ANGEL2: variants seen among roughly 807,000 people sequenced by gnomAD.
The protein encoded by ANGEL2 is RNA 2',3'-cyclic phosphatase ANGEL2.
ANGEL2 carries 41 observed loss-of-function variants against 66.0 expected under a neutral mutation model. That is an observed-to-expected ratio of 0.62 (90% confidence interval 0.48 to 0.81). ANGEL2 has a LOEUF of 0.81. ANGEL2 is among the 30% of genes least tolerant of loss of function. The pLI, the probability that ANGEL2 is intolerant of heterozygous loss-of-function variation, is 0.00. For missense variants in ANGEL2, 561 were observed against 641.6 expected (o/e 0.87, Z 1.36); for synonymous variants, 208 against 226.5 (o/e 0.92, Z 0.73).
At chr1:213,012,686 GT>G (rs1360926599) in intron 2 of ANGEL2, among the ~76,000 whole-genome samples, 1 of 152,202 alleles carries the variant, frequency 6.6e-6, no homozygotes, top group Non-Finnish European at 1.5e-5. Flanking sequence ...CCATAAAAAT[GT>G]TAGCTTAAAA....
rs182842805 is a variant in ANGEL2 at position 213,008,602 on chromosome 1, T to C, written c.386-136A>G. 8.7e-5 allele frequency: 86 copies of C among 989,036 alleles called. No homozygotes were observed. The African/African-American group carries it at 1.3e-3, about 15-fold the overall frequency. The allele number at this position is 989,036 out of a possible 1,614,324, so 61.3% of individuals were successfully genotyped here. A position where few individuals can be genotyped will look rare whatever the true frequency, so the allele number is the denominator to read the frequency against. Reference sequence around the variant, plus strand: ...AATGTTTTTCCCTAGGAAGTGGCAATATAGCACTGAATAATTAGAACTGTT... The same window carrying C: ...AATGTTTTTCCCTAGGAAGTGGCAACATAGCACTGAATAATTAGAACTGTT... On this transcript the variant is annotated intron_variant, in intron 2 of 8. Transcript: ENST00000366962.
chr1:213,014,865 G>GT (rs2076598534), intron 1 of ANGEL2, among the ~76,000 whole-genome samples: 1 of 152,156 alleles, frequency 6.6e-6, no homozygotes, highest in Non-Finnish European at 1.5e-5. Flanking sequence ...GTGGTGGGTG[G>GT]TACACGAGTC....
At chr1:213,011,202 A>C in intron 2 of ANGEL2, 1 of 1,289,314 alleles carries the variant, frequency 7.8e-7, no homozygotes, top group Non-Finnish European at 1.0e-6. Flanking sequence ...ACAAAAGCTT[A>C]TATACCTTCC....
intron 5 of ANGEL2, among the ~76,000 whole-genome samples, chr1:213,002,730 C>T (rs1281403790): frequency 6.6e-6 from 1 of 152,014 alleles, no homozygotes; most frequent in Non-Finnish European, 1.5e-5. Flanking sequence ...CCAGCCTGGG[C>T]AACATGGTGA....
chr1:212,996,634 AAAAAAAATATATATATATAT>A (rs2076019979), intron 8 of ANGEL2, among the ~76,000 whole-genome samples: 2 of 49,228 alleles, frequency 4.1e-5, no homozygotes, highest in African/African-American at 8.6e-5. Flanking sequence ...AAAAAAAAAA[AAAAAAAATATATATATATAT>A]ATATATATAT....
intron 5 of ANGEL2, 63 bp from the exon 6 acceptor site, chr1:213,000,975 A>C: frequency 1.3e-6 from 2 of 1,500,656 alleles, no homozygotes; most frequent in Non-Finnish European, 1.8e-6. Context: ...GAGTTGAAAA[A>C]TTTATGTCTT....
intron 8 of ANGEL2, among the ~76,000 whole-genome samples, chr1:212,996,432 G>A (rs2148130117): frequency 6.6e-6 from 1 of 151,408 alleles, no homozygotes; most frequent in East Asian, 2.0e-4. Context: ...GACCAGCCTG[G>A]GCAACACGGT....
chr1:213,015,603 C>A lies in ANGEL2; in HGVS notation c.59+10G>T. 1 of 1,613,642 alleles carries A rather than the reference C, an allele frequency of 6.2e-7. No homozygotes were observed. The highest frequency in any genetic ancestry group is 8.5e-7 in the Non-Finnish European group (1 of 1,179,842). On this transcript the variant is annotated intron_variant, in intron 1 of 8. Transcript: ENST00000366962. The stretch of plus-strand genomic sequence containing the variant: ...CTCTCTCCTCCCTCCGAGTACCCAG[C>A]CCTACTGACCGGCCTCTTCCCACCA...
chr1:213,007,634 G>T (rs977410099), intron 3 of ANGEL2, among the ~76,000 whole-genome samples: 2 of 152,068 alleles, frequency 1.3e-5, no homozygotes, highest in Non-Finnish European at 2.9e-5. Context: ...GCCAGTTTCT[G>T]TCTCAAAACT....
chr1:212,998,973 A>T (rs2076104989), intron 7 of ANGEL2, among the ~76,000 whole-genome samples: 1 of 151,978 alleles, frequency 6.6e-6, no homozygotes, highest in South Asian at 2.1e-4. Context: ...TCTGCCCCCC[A>T]GGGTTCAAGC....
rs541265228 is a variant in ANGEL2 at position 213,011,163 on chromosome 1, T to C, written c.385+1930A>G. 93 of 1,284,324 alleles carry C rather than the reference T, an allele frequency of 7.2e-5. 1 individual carries two copies. The South Asian group carries it at 1.1e-3, about 15-fold the overall frequency. The allele number at this position is 1,284,324 out of a possible 1,614,324, so 79.6% of individuals were successfully genotyped here. Reference sequence around the variant, plus strand: ...GATAAGAGTGGATAGTCTCTGGCCTTCATATGCTTCACAACATAAATTCAC... The same window carrying C: ...GATAAGAGTGGATAGTCTCTGGCCTCCATATGCTTCACAACATAAATTCAC... On this transcript the variant is annotated intron_variant, in intron 2 of 8. Transcript: ENST00000366962.
intron 6 of ANGEL2, 87 bp downstream of exon 6, chr1:213,000,699 A>G (rs1261002703): frequency 7.1e-7 from 1 of 1,416,692 alleles, no homozygotes; most frequent in Non-Finnish European, 9.4e-7. Flanking sequence ...CATCCCTGAG[A>G]TTTTTTCTTT....
In ANGEL2 at chr1:213,005,082, C is replaced by T. The variant is rs1479833554; in HGVS notation, c.1085G>A (p.Ser362Asn). ...FNSVPGSPLYSFIKEGKLNYE... is the reference protein window; with the variant it reads ...FNSVPGSPLYNFIKEGKLNYE... ...ATTCAATTTTCCTTCCTTTATGAAA[C>T]TATATAGTGGAGAACCAGGAACAGA... The change falls in exon 5 of 9, where the codon AGT becomes AAT. Residue 362 changes from serine (S) to asparagine (N), a missense_variant. Transcript: ENST00000366962. The T allele has an allele frequency of 1.3e-6, 2 of 1,598,574 alleles. No homozygotes were observed. Among genetic ancestry groups the T allele is most frequent in the South Asian group, 1.1e-5 (1 of 88,268 alleles).
chr1:213,008,160 G>C (rs752681817), intron 3 of ANGEL2, 50 bp downstream of exon 3: 1 of 1,577,582 alleles, frequency 6.3e-7, no homozygotes, highest in Non-Finnish European at 8.6e-7. Flanking sequence ...CAGTGTGCCC[G>C]GCCCCAACTT....
At chr1:213,001,497 C>G (rs1342170537) in intron 5 of ANGEL2, 1 of 152,400 alleles carries the variant, frequency 6.6e-6, no homozygotes, top group Admixed American at 6.5e-5. Flanking sequence ...AGGATCTTGC[C>G]TAGATATTAA....
At chr1:213,013,695 T>G (rs975854771) in intron 1 of ANGEL2, among the ~76,000 whole-genome samples, 1 of 152,164 alleles carries the variant, frequency 6.6e-6, no homozygotes, top group Non-Finnish European at 1.5e-5. Flanking sequence ...TGTACATAGT[T>G]CAACTGAGAG....
intron 2 of ANGEL2, 111 bp downstream of exon 2, chr1:213,012,982 C>G: frequency 9.1e-7 from 1 of 1,104,198 alleles, no homozygotes; most frequent in Non-Finnish European, 1.3e-6. Context: ...GGCTAAAAGT[C>G]AACACCAAAC....
intron 5 of ANGEL2, 145 bp from the exon 6 acceptor site, chr1:213,001,057 T>TA: frequency 1.4e-6 from 1 of 712,228 alleles, no homozygotes; most frequent in South Asian, 2.2e-5. Context: ...TTTGGACTTA[T>TA]AAAATCTTCT....
Position 213,012,938 on chromosome 1 carries a change from G to A in ANGEL2, c.385+155C>T, listed in dbSNP as rs545616236. 2.6e-5 allele frequency among the ~76,000 whole-genome samples: 4 copies of A among 152,246 alleles called. No individual in the cohort carries two copies. In the South Asian group the frequency reaches 8.3e-4, roughly 32 times the overall value. Reference sequence around the variant, plus strand: ...AGATAAAAATAAAGACTTCATTTAAGGAAGAATTCATTTTTTTCTAACATA... The same window carrying A: ...AGATAAAAATAAAGACTTCATTTAAAGAAGAATTCATTTTTTTCTAACATA... On this transcript the variant is annotated intron_variant, in intron 2 of 8. Coordinates refer to ENST00000366962, the MANE Select transcript of ANGEL2 (RefSeq NM_144567.5).
Sources: gnomAD v4.1 joint callset for allele counts (sites outside exome capture counted in the v4.1 genomes callset) on GRCh38, gnomAD v4.1.1 for gene constraint, MANE v1.5 for transcripts, NCBI Gene and HGNC (gene_info 2026-07-23, HGNC 2026-07-21) for gene names.